The following GALNT14 variants were observed in gnomAD, a reference collection of about 807,000 sequenced individuals.
GALNT14 encodes the protein UDP-GalNAc:polypeptide N-acetylgalactosaminyltransferase 14.
A neutral mutation model predicts 77.5 loss-of-function variants in GALNT14; 60 were observed. The ratio of observed to expected loss-of-function variants is 0.77; its 90% CI spans 0.63 to 0.96. The LOEUF (loss-of-function observed/expected upper bound fraction) is 0.96, where lower values mean the gene tolerates loss of function less well. Among genes scored for constraint, GALNT14 ranks in the 40% least tolerant of loss-of-function variants. The probability of loss-of-function intolerance (pLI) is 0.00; values close to 1 mark genes in which losing one functional copy is unlikely to be tolerated. For synonymous variants in GALNT14, 280 were observed against 281.7 expected, an observed-to-expected ratio of 0.99 and a Z score of 0.06; for missense variants, 710 against 731.0, an observed-to-expected ratio of 0.97 and a Z score of 0.33.
chr2:30,941,180 G>C (rs948459272), intron 9 of GALNT14, among the ~76,000 whole-genome samples: 1 of 152,164 alleles, frequency 6.6e-6, no homozygotes, highest in Non-Finnish European at 1.5e-5. Flanking sequence ...CATGTGCCAC[G>C]GTACCCAGAG....
chr2:30,931,846 C>G (rs1665749375), intron 10 of GALNT14, among the ~76,000 whole-genome samples: 1 of 152,042 alleles, frequency 6.6e-6, no homozygotes, highest in Non-Finnish European at 1.5e-5. Flanking sequence ...CCTTCCGAAG[C>G]CTCAGAAGCA....
At chr2:30,887,991 G>T in the GALNT14 span, among the ~76,000 whole-genome samples, 1 of 152,204 alleles carries the variant, frequency 6.6e-6, no homozygotes, top group East Asian at 1.9e-4. Flanking sequence ...TGTCCTTGAT[G>T]CCTGTACTGC....
intron 2 of GALNT14, among the ~76,000 whole-genome samples, chr2:30,979,425 G>C (rs969591901): frequency 6.6e-6 from 1 of 152,082 alleles, no homozygotes; most frequent in African/African-American, 2.4e-5. Flanking sequence ...AGGAAGGTGT[G>C]GGACAAGGAG....
intron 1 of GALNT14, among the ~76,000 whole-genome samples, chr2:31,078,233 A>T (rs1444617045): frequency 6.6e-6 from 1 of 152,230 alleles, no homozygotes; most frequent in Non-Finnish European, 1.5e-5. Context: ...AAGCTATGGC[A>T]GGGAAAATTC....
intron 1 of GALNT14, among the ~76,000 whole-genome samples, chr2:31,047,666 G>A (rs1226013201): frequency 6.6e-6 from 1 of 152,212 alleles, no homozygotes; most frequent in Non-Finnish European, 1.5e-5. Flanking sequence ...GTGCACTCGA[G>A]CAAGGGTTCT....
intron 2 of GALNT14, among the ~76,000 whole-genome samples, chr2:30,985,738 A>C (rs1470942759): frequency 6.6e-6 from 1 of 152,186 alleles, no homozygotes; most frequent in Non-Finnish European, 1.5e-5. Context: ...CCTGTATTGA[A>C]AAGTGGCACA....
At chr2:31,063,497 G>T (rs533333190) in intron 1 of GALNT14, among the ~76,000 whole-genome samples, 2 of 152,138 alleles carry the variant, frequency 1.3e-5, no homozygotes, top group South Asian at 4.1e-4. Context: ...GTAGTGTGAC[G>T]CCTCCAGCTT....
Position 31,138,076 on chromosome 2 carries a change from A to T in GALNT14, c.11T>A (p.Leu4Gln), listed in dbSNP as rs1679309391. ...GACTGGCAGAACCAGCCGACGAGTC[A>T]GGCGCCGCATGGTCCCCTTTGCCGC... Reference protein sequence around the residue: MRRLTRRLVLPVFG... With the variant: MRRQTRRLVLPVFG... Residue 4 changes from leucine to glutamine, a missense_variant, in exon 1 of 15, where the codon CTG (leucine) becomes CAG (glutamine). Physicochemically the swap from Leu to Gln is moderately radical, Grantham distance 113. Transcript: ENST00000349752. The T allele has an allele frequency of 6.2e-7, 1 of 1,613,584 alleles. No individual in the cohort carries two copies. Among genetic ancestry groups the T allele is most frequent in the Non-Finnish European group, 8.5e-7 (1 of 1,179,774 alleles).
intron 1 of GALNT14, among the ~76,000 whole-genome samples, chr2:30,999,260 T>G (rs1259797714): frequency 6.6e-6 from 1 of 152,150 alleles, no homozygotes; most frequent in African/African-American, 2.4e-5. Context: ...AATAGCCCAC[T>G]CCAACCTTAA....
intron 1 of GALNT14, among the ~76,000 whole-genome samples, chr2:31,012,077 T>A (rs972521971): frequency 6.6e-6 from 1 of 152,156 alleles, no homozygotes; most frequent in Non-Finnish European, 1.5e-5. Context: ...ACAGAAGATA[T>A]CTCCTCATTC....
intron 1 of GALNT14, among the ~76,000 whole-genome samples, chr2:31,015,399 C>T (rs998004604): frequency 6.6e-6 from 1 of 151,668 alleles, no homozygotes; most frequent in African/African-American, 2.4e-5. Context: ...CCACTCCTGA[C>T]AGGAGAATTG....
At chr2:31,072,012 CCCA>C (rs1434596636) in intron 1 of GALNT14, among the ~76,000 whole-genome samples, 3 of 152,010 alleles carry the variant, frequency 2.0e-5, no homozygotes, top group Non-Finnish European at 2.9e-5. Flanking sequence ...GTGGGGGCCA[CCCA>C]CGTGTGGGAG....
Position 30,915,912 on chromosome 2 carries a change from T to C in GALNT14, c.1381-3570A>G, listed in dbSNP as rs1664651496. The stretch of plus-strand genomic sequence containing the variant: ...ACCAAGAGTTTGTCTAGGCTTTTCC[T>C]GGGCCTTGAAGCATGACAAGATAAT... On this transcript the variant is annotated intron_variant, in intron 13 of 14. Coordinates refer to ENST00000349752, the MANE Select transcript of GALNT14 (RefSeq NM_024572.4). Among the ~76,000 whole-genome samples, 4 of 152,200 alleles carry C rather than the reference T, an allele frequency of 2.6e-5. No homozygotes were observed. The South Asian group carries it at 8.3e-4, about 32-fold the overall frequency.
chr2:31,093,684 A>C (rs909715326), intron 1 of GALNT14, among the ~76,000 whole-genome samples: 1 of 152,238 alleles, frequency 6.6e-6, no homozygotes, highest in Non-Finnish European at 1.5e-5. Context: ...ACCGTTAACA[A>C]ATGACAAGTG....
chr2:31,128,994 T>C (rs1205037257), intron 1 of GALNT14, among the ~76,000 whole-genome samples: 1 of 149,194 alleles, frequency 6.7e-6, no homozygotes, highest in African/African-American at 2.5e-5. Context: ...CACAAAGCAA[T>C]GCTGGTGTTT....
In GALNT14 at chr2:31,133,998, C is replaced by A. The variant is rs116418858; in HGVS notation, c.129+3960G>T. Among the ~76,000 whole-genome samples, 1,030 of 152,262 alleles carry A rather than the reference C, an allele frequency of 6.8e-3. 21 individuals are homozygous for A. The highest frequency in any genetic ancestry group is 0.024 in the African/African-American group (991 of 41,538). ...TTCCTTAAGCCAGGAGTGTAGCATG[C>A]CTTCTTCACTTCACTTGCACTGGGG... On this transcript the variant is annotated intron_variant, in intron 1 of 14. Transcript: ENST00000349752.
At chr2:31,046,227 C>CTT (rs57864916) in intron 1 of GALNT14, among the ~76,000 whole-genome samples, 3 of 134,048 alleles carry the variant, frequency 2.2e-5, no homozygotes, top group Non-Finnish European at 4.8e-5. Context: ...AACCCATATT[C>CTT]TTTTTTTTTT....
chr2:31,114,171 G>A (rs1032779643), intron 1 of GALNT14, among the ~76,000 whole-genome samples: 2 of 151,900 alleles, frequency 1.3e-5, no homozygotes, highest in South Asian at 2.1e-4. Context: ...CTTAACTGAC[G>A]AGCCACCTTT....
intron 1 of GALNT14, among the ~76,000 whole-genome samples, chr2:31,084,485 C>T (rs1676314175): frequency 6.6e-6 from 1 of 152,194 alleles, no homozygotes; most frequent in Non-Finnish European, 1.5e-5. Context: ...ATGTGTCTAG[C>T]TCCAGATGTT....
Sources: gnomAD v4.1 joint callset for allele counts (sites outside exome capture counted in the v4.1 genomes callset) on GRCh38, gnomAD v4.1.1 for gene constraint, MANE v1.5 for transcripts, NCBI Gene and HGNC (gene_info 2026-07-23, HGNC 2026-07-21) for gene names.